Variants in VPS52 observed in about 807,000 individuals in gnomAD.
VPS52 encodes vacuolar protein sorting-associated protein 52 homolog.
VPS52 carries 56 observed loss-of-function variants against 98.7 expected under a neutral mutation model. That is an observed-to-expected ratio of 0.57 (90% CI 0.46 to 0.71). The LOEUF is 0.71. VPS52 is among the 30% of genes least tolerant of loss of function. The probability of loss-of-function intolerance (pLI) is 0.00; values close to 1 mark genes in which losing one functional copy is unlikely to be tolerated. For synonymous variants in VPS52, 348 were observed against 346.4 expected (o/e 1.00, Z -0.05); for missense variants, 742 against 925.9 (o/e 0.80, Z 2.58).
At chr6:33,265,635 G>A in intron 12 of VPS52, among the ~76,000 whole-genome samples, 1 of 152,174 alleles carries the variant, frequency 6.6e-6, no homozygotes, top group Non-Finnish European at 1.5e-5. Context: ...GTCTCCCAAA[G>A]TACTGGGATT....
At chr6:33,257,968 T>TCACA (rs1380949854) in intron 17 of VPS52, among the ~76,000 whole-genome samples, 1 of 152,138 alleles carries the variant, frequency 6.6e-6, no homozygotes, top group African/African-American at 2.4e-5. Flanking sequence ...TGAGCCATGA[T>TCACA]CACACTACTG....
Position 33,271,651 on chromosome 6 carries a change from C to A in VPS52, c.25G>T (p.Ala9Ser), listed in dbSNP as rs1191446545. ...CGCAACACCAGTTCCCGGGCCGCAG[C>A]CGCCATGGTCGCAGCGGCGGCCATT... MAAAATMA[A>S]AARELVLRAG... is the part of the protein sequence containing the mutation. The change falls in exon 1 of 20, where the codon GCT (alanine) becomes TCT (serine). Residue 9 changes from alanine to serine, a missense_variant. Transcript: ENST00000445902. The A allele has an allele frequency of 6.2e-7, 1 of 1,610,076 alleles. No homozygotes were observed. The highest frequency in any genetic ancestry group is 8.5e-7 in the Non-Finnish European group (1 of 1,177,694).
At chr6:33,259,118 T>G (rs575877195) in intron 17 of VPS52, among the ~76,000 whole-genome samples, 8 of 152,304 alleles carry the variant, frequency 5.3e-5, no homozygotes, top group African/African-American at 1.9e-4. Flanking sequence ...ATGGCGGCCC[T>G]GACCAGCTAG....
intron 17 of VPS52, among the ~76,000 whole-genome samples, chr6:33,260,146 G>T (rs184588041): frequency 2.0e-5 from 3 of 152,126 alleles, no homozygotes; most frequent in Admixed American, 2.0e-4. Context: ...GACAATATTA[G>T]AAAAATTATG....
chr6:33,262,195 A>G (rs1763716769), intron 17 of VPS52, among the ~76,000 whole-genome samples: 1 of 152,208 alleles, frequency 6.6e-6, no homozygotes, highest in South Asian at 2.1e-4. Context: ...TAATAATCCT[A>G]TTAAAAAATG....
chr6:33,258,248 G>A (rs1192214333), intron 17 of VPS52, among the ~76,000 whole-genome samples: 7 of 151,958 alleles, frequency 4.6e-5, no homozygotes, highest in Non-Finnish European at 8.8e-5. Flanking sequence ...TTAGCCGGGC[G>A]TGGTAGCACA....
rs1477266865 is a variant in VPS52, at chr6:33,267,515, G to A, written c.991+167C>T. ...CTTGCAATCATATGCAAAACTATGT[G>A]TCAAAATAATGTGTGCATCTTTCTG... On this transcript the variant is annotated intron_variant, in intron 10 of 19. Coordinates refer to ENST00000445902, the MANE Select transcript of VPS52 (RefSeq NM_022553.6). The surrounding 1 kb of genome is among the most constrained non-coding windows in gnomAD (Gnocchi z 4.2). The A allele has an allele frequency of 1.7e-6, 2 of 1,201,034 alleles. No individual in the cohort carries two copies. Among genetic ancestry groups the A allele is most frequent in the Admixed American group, 2.3e-5 (1 of 43,852 alleles). The allele number at this position is 1,201,034 out of a possible 1,614,324, so 74.4% of individuals were successfully genotyped here.
Position 33,268,932 on chromosome 6 carries a change from A to G in VPS52, c.548+82T>C. 2.0e-6 allele frequency: 3 copies of G among 1,526,244 alleles called. No homozygotes were observed. Among genetic ancestry groups the G allele is most frequent in the Non-Finnish European group, 2.7e-6 (3 of 1,130,714 alleles). The allele number at this position is 1,526,244 out of a possible 1,614,324, so 94.5% of individuals were successfully genotyped here. On this transcript the variant is annotated intron_variant, in intron 6 of 19. Transcript: ENST00000445902. This position sits in a 1 kb window ranked among gnomAD's most constrained non-coding sequence, Gnocchi z 4.0. ...AAAAAGCACTTAACCTGGAGCCAGGAGACCCATATGGTAAATAGGGTGGGT... is the reference window on the plus strand; with the variant it reads ...AAAAAGCACTTAACCTGGAGCCAGGGGACCCATATGGTAAATAGGGTGGGT...
Position 33,263,993 on chromosome 6 carries a change from C to T in VPS52, c.1620+15G>A. On this transcript the variant is annotated intron_variant, in intron 15 of 19. Coordinates refer to ENST00000445902, the MANE Select transcript of VPS52 (RefSeq NM_022553.6). ...CAGCCCTGCTGCTGGGAAGTGTCTC[C>T]TGTCCGACCCTCACCTGCAGCTGTC... 1.2e-6 allele frequency: 2 copies of T among 1,614,196 alleles called. No individual in the cohort carries two copies. The highest frequency in any genetic ancestry group is 8.5e-7 in the Non-Finnish European group (1 of 1,180,002).
At position 33,261,428 on chromosome 6, in the gene VPS52, C is replaced by CTGCACTCCAGCCTGG. The variant is rs1763622489; in HGVS notation, c.1794+2055_1794+2056insCCAGGCTGGAGTGCA. Among the ~76,000 whole-genome samples, 4 of 151,172 alleles carry CTGCACTCCAGCCTGG rather than the reference C, an allele frequency of 2.6e-5. No homozygotes were observed. The South Asian group carries it at 8.4e-4, about 32-fold the overall frequency. On this transcript the variant is annotated intron_variant, in intron 17 of 19. Transcript: ENST00000445902. ...GTTGCAGTGAGCCAATACTGCACCA[C>CTGCACTCCAGCCTGG]TGCACTCCAGCCTAGGTGACAGAGC...
At position 33,267,971 on chromosome 6, in the gene VPS52, T is replaced by C. The variant is rs753795449; in HGVS notation, c.827A>G (p.Asn276Ser). Reference sequence around the variant, plus strand: ...GATCTCCTTTGCTGTTGCTCGTTCATTGCCCAGCAGAAACTGATAGAAGAA... The same window carrying C: ...GATCTCCTTTGCTGTTGCTCGTTCACTGCCCAGCAGAAACTGATAGAAGAA... ...YRFFYQFLLGNERATAKEIRD... is the reference protein window; with the variant it reads ...YRFFYQFLLGSERATAKEIRD... The change falls in exon 9 of 20, where the codon AAT becomes AGT. Residue 276 changes from asparagine to serine, a missense_variant. By Grantham distance (46) the Asn-to-Ser change is conservative (BLOSUM62 1). This residue lies in a region of VPS52 where 590 missense variants were observed against 793.3 expected (regional missense o/e 0.74). Coordinates refer to ENST00000445902, the MANE Select transcript of VPS52 (RefSeq NM_022553.6). The surrounding 1 kb of genome is among the most constrained non-coding windows in gnomAD (Gnocchi z 4.2). The C allele has an allele frequency of 5.6e-6, 9 of 1,612,964 alleles. No individual in the cohort carries two copies. In the Admixed American group the frequency reaches 6.7e-5, roughly 12 times the overall value.
intron 17 of VPS52, among the ~76,000 whole-genome samples, chr6:33,258,123 C>CAAA (rs1763209520): frequency 6.6e-6 from 1 of 151,884 alleles, no homozygotes; most frequent in Admixed American, 6.6e-5. Flanking sequence ...CGCGGTGGCT[C>CAAA]ATGCCTGTAA....
chr6:33,264,947 T>C (rs1469385439), intron 12 of VPS52, 47 bp from the exon 13 acceptor site: 1 of 1,518,980 alleles, frequency 6.6e-7, no homozygotes, highest in Non-Finnish European at 9.1e-7. Flanking sequence ...AATGTCAGTT[T>C]GTTGTCCTCA....
Position 33,264,386 on chromosome 6 carries a change from A to G in VPS52, c.1512T>C (p.Thr504=), listed in dbSNP as rs767613503. Residue 504 remains threonine (T), a synonymous_variant, in exon 14 of 20, where the codon ACT becomes ACC. Transcript: ENST00000445902. ...TGCCCTCCCTCACATAGTGGGGCCG[A>G]GTATCCAACCCCCCTAGGCGCTGGG... is the stretch of plus-strand genomic sequence containing the variant. ...TDPQRLGGLD[T]RPHYITRRYA... 1.9e-6 allele frequency: 3 copies of G among 1,614,112 alleles called. No homozygotes were observed. The highest frequency in any genetic ancestry group is 2.5e-6 in the Non-Finnish European group (3 of 1,179,988).
chr6:33,256,463 C>CAAAAAAAAAAAAAAAAA (rs9280385), intron 17 of VPS52, among the ~76,000 whole-genome samples: 11 of 83,746 alleles, frequency 1.3e-4, no homozygotes, highest in East Asian at 2.6e-4. Flanking sequence ...AAACCTGTCT[C>CAAAAAAAAAAAAAAAAA]AAAAAAAAAA....
rs549764653 is a variant in VPS52, at chr6:33,266,588, G to A, written c.1250C>T (p.Ala417Val). Reference protein sequence around the residue: ...SGPAAHDLFHAVMGRTLSMTL... With the variant: ...SGPAAHDLFHVVMGRTLSMTL... Reference sequence around the variant, plus strand: ...CATGCTGAGTGTACGGCCCATGACAGCATGGAACAGGTCGTGTGCAGCTGG... The same window carrying A: ...CATGCTGAGTGTACGGCCCATGACAACATGGAACAGGTCGTGTGCAGCTGG... Residue 417 changes from alanine to valine, a missense_variant, in exon 12 of 20, where the codon GCT (alanine) becomes GTT (valine). Around this residue, in one of 2 missense-constraint regions of VPS52, gnomAD observed 590 missense variants for 793.3 expected, o/e 0.74. Coordinates refer to ENST00000445902, the MANE Select transcript of VPS52 (RefSeq NM_022553.6). 6.2e-7 allele frequency: 1 copy of A among 1,612,210 alleles called. No individual in the cohort carries two copies. Among genetic ancestry groups the A allele is most frequent in the Non-Finnish European group, 8.5e-7 (1 of 1,179,602 alleles).
At position 33,268,921 on chromosome 6, in the gene VPS52, C is replaced by G. The variant is rs1764662644; in HGVS notation, c.548+93G>C. The G allele has an allele frequency of 6.6e-7, 1 of 1,506,846 alleles. No homozygotes were observed. The highest frequency in any genetic ancestry group is 1.4e-5 in the African/African-American group (1 of 71,650). 93.3% of individuals were successfully genotyped at this position (1,506,846 alleles called of 1,614,324 possible). Reference sequence around the variant, plus strand: ...TACTAATTTCTAAAAAGCACTTAACCTGGAGCCAGGAGACCCATATGGTAA... The same window carrying G: ...TACTAATTTCTAAAAAGCACTTAACGTGGAGCCAGGAGACCCATATGGTAA... On this transcript the variant is annotated intron_variant, in intron 6 of 19. Transcript: ENST00000445902. This position sits in a 1 kb window ranked among gnomAD's most constrained non-coding sequence, Gnocchi z 4.0.
Position 33,271,589 on chromosome 6 carries a change from C to T in VPS52, c.87G>A (p.Pro29=), listed in dbSNP as rs879585529. 3.0e-5 allele frequency: 48 copies of T among 1,604,734 alleles called. No homozygotes were observed. The highest frequency in any genetic ancestry group is 4.1e-5 in the Non-Finnish European group (48 of 1,175,886). Reference sequence around the variant, plus strand: ...AGAAACAGCTCCGCGCTCTCACCAGCGGGCCCTCTTCCTCCTCCATATCTG... The same window carrying T: ...AGAAACAGCTCCGCGCTCTCACCAGTGGGCCCTCTTCCTCCTCCATATCTG... ...GTSDMEEEEG[P]LAGGPGLQEP... The change falls in exon 1 of 20, where the codon CCG becomes CCA. Residue 29 remains proline (P), a synonymous_variant. Coordinates refer to ENST00000445902, the MANE Select transcript of VPS52 (RefSeq NM_022553.6).
intron 17 of VPS52, among the ~76,000 whole-genome samples, chr6:33,252,588 CAAAAAA>C (rs9280379): frequency 1.0e-5 from 1 of 96,172 alleles, no homozygotes; most frequent in Non-Finnish European, 2.1e-5. Context: ...GACTCCGTCT[CAAAAAA>C]AAAAAAAAAA....
Sources: allele counts gnomAD v4.1 joint callset (sites outside exome capture counted in the v4.1 genomes callset), GRCh38; gene constraint gnomAD v4.1.1; regional missense constraint gnomAD v4.1.1; non-coding constraint Gnocchi (gnomAD v3.1); transcripts MANE v1.5; gene names NCBI Gene and HGNC (gene_info 2026-07-23, HGNC 2026-07-21).